XRN1: variants seen among roughly 807,000 people sequenced by gnomAD.
XRN1 encodes strand-exchange protein 1 homolog.
A neutral mutation model predicts 222.3 loss-of-function variants in XRN1; 67 were observed. The ratio of observed to expected loss-of-function variants is 0.30; its 90% confidence interval spans 0.25 to 0.37. The LOEUF (loss-of-function observed/expected upper bound fraction) is 0.37. XRN1 is among the 10% of genes least tolerant of loss of function. The probability of loss-of-function intolerance (pLI) is 1.00; values close to 1 mark genes in which losing one functional copy is unlikely to be tolerated. For synonymous variants in XRN1, 643 were observed against 652.4 expected, an observed-to-expected ratio of 0.99 and a Z score of 0.22; for missense variants, 1,707 against 2,000.2, an observed-to-expected ratio of 0.85 and a Z score of 2.80.
At chr3:142,323,083 T>G (rs1242876717) in intron 37 of XRN1, among the ~76,000 whole-genome samples, 1 of 152,112 alleles carries the variant, frequency 6.6e-6, no homozygotes, top group East Asian at 1.9e-4. Flanking sequence ...GCCTCCTGAG[T>G]TGTTGGGCTT....
At chr3:142,363,985 T>C (rs968041982) in intron 29 of XRN1, among the ~76,000 whole-genome samples, 2 of 152,172 alleles carry the variant, frequency 1.3e-5, no homozygotes, top group African/African-American at 4.8e-5. Context: ...TCAAAGAGGA[T>C]CTACAAATGG....
At chr3:142,432,341 A>G (rs2069664451) in intron 2 of XRN1, among the ~76,000 whole-genome samples, 1 of 149,066 alleles carries the variant, frequency 6.7e-6, no homozygotes, top group South Asian at 2.1e-4. Flanking sequence ...TAATCACTTG[A>G]ACTGGGGAGG....
chr3:142,360,536 G>A (rs532374792), intron 29 of XRN1, among the ~76,000 whole-genome samples: 104 of 151,900 alleles, frequency 6.8e-4, no homozygotes, highest in Admixed American at 1.2e-3. Flanking sequence ...GAAAACTGCT[G>A]AGTCTTAGGG....
chr3:142,385,257 G>A (rs2067453500), intron 20 of XRN1, among the ~76,000 whole-genome samples: 1 of 151,954 alleles, frequency 6.6e-6, no homozygotes, highest in African/African-American at 2.4e-5. Context: ...AACAAACAGT[G>A]GCATATCCAT....
chr3:142,423,643 C>A lies in XRN1; in HGVS notation c.628-1G>T. 1 of 1,569,310 alleles carries A rather than the reference C, an allele frequency of 6.4e-7. No homozygotes were observed. Among genetic ancestry groups the A allele is most frequent in the Non-Finnish European group, 8.6e-7 (1 of 1,162,394 alleles). On this transcript the variant is annotated splice_acceptor_variant, in intron 5 of 40. Coordinates refer to ENST00000392981, the MANE Select transcript of XRN1 (RefSeq NM_001282857.2). LOFTEE classifies it high-confidence loss of function. ...CATGACTTGTTAATCCAAGCATAAT[C>A]TGTTGAAAAATGATTAAGAAATGTT...
chr3:142,322,759 C>T (rs2065394288), intron 37 of XRN1, among the ~76,000 whole-genome samples: 1 of 152,048 alleles, frequency 6.6e-6, no homozygotes. Flanking sequence ...AATCCCAGCA[C>T]TTTGGGAGGC....
At chr3:142,321,653 AGTT>A (rs1459631069) in intron 37 of XRN1, among the ~76,000 whole-genome samples, 1 of 152,156 alleles carries the variant, frequency 6.6e-6, no homozygotes, top group African/African-American at 2.4e-5. Context: ...AACATTTTGT[AGTT>A]TTCGGTGTAT....
At chr3:142,325,991 T>C (rs889868492) in intron 37 of XRN1, among the ~76,000 whole-genome samples, 2 of 152,156 alleles carry the variant, frequency 1.3e-5, no homozygotes, top group Non-Finnish European at 2.9e-5. Context: ...TGTGGATTTA[T>C]TTCTGGATTC....
intron 30 of XRN1, among the ~76,000 whole-genome samples, chr3:142,357,656 G>A (rs954299249): frequency 6.6e-6 from 1 of 152,000 alleles, no homozygotes; most frequent in Non-Finnish European, 1.5e-5. Context: ...TTGAACTCCT[G>A]GGCTCAAATG....
intron 15 of XRN1, among the ~76,000 whole-genome samples, chr3:142,406,485 A>G (rs1372885907): frequency 2.6e-5 from 4 of 152,200 alleles, no homozygotes; most frequent in Non-Finnish European, 4.4e-5. Context: ...CTGAATTAAT[A>G]AAGTCATATT....
At chr3:142,349,243 T>C (rs1027673332) in intron 32 of XRN1, among the ~76,000 whole-genome samples, 3 of 152,146 alleles carry the variant, frequency 2.0e-5, no homozygotes, top group Non-Finnish European at 1.5e-5. Flanking sequence ...TGTGAGCCAC[T>C]GCGCCCGGCC....
At chr3:142,398,978 G>A (rs1205101536) in intron 19 of XRN1, among the ~76,000 whole-genome samples, 3 of 151,348 alleles carry the variant, frequency 2.0e-5, no homozygotes, top group African/African-American at 4.9e-5. Flanking sequence ...ACATACTCAG[G>A]TATAAGTCTA....
At chr3:142,351,216 C>T (rs1205433150) in intron 32 of XRN1, among the ~76,000 whole-genome samples, 3 of 152,112 alleles carry the variant, frequency 2.0e-5, no homozygotes, top group East Asian at 1.9e-4. Context: ...AATAATTTAG[C>T]CCTAGAGGAT....
At chr3:142,421,417 G>T in intron 9 of XRN1, 59 bp downstream of exon 9, 1 of 1,367,596 alleles carries the variant, frequency 7.3e-7, no homozygotes, top group Non-Finnish European at 1.0e-6. Flanking sequence ...TTACATAATT[G>T]GTGACTGATC....
intron 39 of XRN1, among the ~76,000 whole-genome samples, chr3:142,313,404 C>A (rs538618654): frequency 1.7e-4 from 26 of 152,248 alleles, no homozygotes; most frequent in African/African-American, 6.0e-4. Flanking sequence ...ACCTAGTAAG[C>A]CAGACTCTGA....
At chr3:142,381,563 C>CTTTTTTTT in intron 22 of XRN1, among the ~76,000 whole-genome samples, 1 of 84,216 alleles carries the variant, frequency 1.2e-5, no homozygotes, top group Non-Finnish European at 2.5e-5. Context: ...TAAGTTATTG[C>CTTTTTTTT]TTTTTTTTTT....
chr3:142,435,571 C>G (rs372037219), intron 1 of XRN1, among the ~76,000 whole-genome samples: 2 of 150,064 alleles, frequency 1.3e-5, no homozygotes, highest in African/African-American at 2.5e-5. Flanking sequence ...ATCAGCCTGG[C>G]CAACAAAGTG....
Position 142,418,759 on chromosome 3 carries a change from T to A in XRN1, c.1240+56A>T, listed in dbSNP as rs1319926727. The stretch of plus-strand genomic sequence containing the variant: ...AAAATTAGTAATAATAAATAAAAGG[T>A]ATAACAATTATCCTGTCAAAGTAGT... On this transcript the variant is annotated intron_variant, in intron 11 of 40. Coordinates refer to ENST00000392981, the MANE Select transcript of XRN1 (RefSeq NM_001282857.2). The A allele has an allele frequency of 1.9e-5, 30 of 1,570,180 alleles. No homozygotes were observed. The South Asian group carries it at 3.2e-4, about 17-fold the overall frequency.
chr3:142,376,686 A>T (rs2067152984), intron 23 of XRN1, 92 bp from the exon 24 acceptor site: 1 of 892,594 alleles, frequency 1.1e-6, no homozygotes, highest in East Asian at 2.7e-5. Context: ...GATAATCAAG[A>T]CATCACTAAC....
Sources: allele counts gnomAD v4.1 joint callset (sites outside exome capture counted in the v4.1 genomes callset), GRCh38; gene constraint gnomAD v4.1.1; transcripts MANE v1.5; gene names NCBI Gene and HGNC (gene_info 2026-07-23, HGNC 2026-07-21).